The following BRAF variants were observed in gnomAD, a reference collection of about 807,000 sequenced individuals.
BRAF encodes B-Raf proto-oncogene, serine/threonine kinase.
A neutral mutation model predicts 104.6 loss-of-function variants in BRAF; 16 were observed. The observed-to-expected ratio is 0.15, with a 90% confidence interval of 0.10 to 0.23. BRAF has a LOEUF of 0.23. Ranked by LOEUF, BRAF falls within the 10% of genes least tolerant of loss-of-function variation. BRAF has a pLI of 1.00. For synonymous variants in BRAF, 310 were observed against 341.6 expected (o/e 0.91, Z 1.02); for missense variants, 541 against 937.3 (o/e 0.58, Z 5.52).
chr7:140,734,251 T>C (rs1796199238), intron 19 of BRAF: 2 of 1,211,452 alleles, frequency 1.7e-6, no homozygotes, highest in South Asian at 2.2e-5. Flanking sequence ...GAGTCCCTAG[T>C]GGACATGTGA....
At chr7:140,861,177 G>A (rs1810376926) in intron 1 of BRAF, among the ~76,000 whole-genome samples, 1 of 152,128 alleles carries the variant, frequency 6.6e-6, no homozygotes, top group Non-Finnish European at 1.5e-5. Flanking sequence ...ATGTACCTTG[G>A]TAGAAAATAA....
At chr7:140,923,957 C>A (rs1818551588) in intron 1 of BRAF, among the ~76,000 whole-genome samples, 1 of 151,998 alleles carries the variant, frequency 6.6e-6, no homozygotes, top group African/African-American at 2.4e-5. Context: ...GAAAAGGCAT[C>A]GGAAACTGCG....
chr7:140,911,336 AGATAC>A (rs2129139877), intron 1 of BRAF, among the ~76,000 whole-genome samples: 1 of 152,348 alleles, frequency 6.6e-6, no homozygotes, highest in African/African-American at 2.4e-5. Flanking sequence ...GTAGCCACAT[AGATAC>A]GGCTACTGTC....
Position 140,924,756 on chromosome 7 carries a change from A to AGGGAGGCGGAGAGCTGG in BRAF, c.-70_-54dup, listed in dbSNP as rs1306004183. On this transcript the variant is annotated 5_prime_UTR_variant, in exon 1 of 20. Coordinates refer to ENST00000644969, the MANE Select transcript of BRAF (RefSeq NM_001374258.1). This position sits in a 1 kb window ranked among gnomAD's most constrained non-coding sequence, Gnocchi z 4.2. ...GGCCGCTGTCGGGCGGGGAGGGGGAAGGGAGGCGGAGAGCTGGGGGAGGCG... is the reference window on the plus strand; with the variant it reads ...GGCCGCTGTCGGGCGGGGAGGGGGAAGGGAGGCGGAGAGCTGGGGGAGGCGGAGAGCTGGGGGAGGCG... 87 of 665,784 alleles carry AGGGAGGCGGAGAGCTGG rather than the reference A, an allele frequency of 1.3e-4. No homozygotes were observed. Among genetic ancestry groups the AGGGAGGCGGAGAGCTGG allele is most frequent in the East Asian group, 1.1e-3 (33 of 29,420 alleles). The allele number at this position is 665,784 out of a possible 1,614,324, so 41.2% of individuals were successfully genotyped here.
intron 2 of BRAF, among the ~76,000 whole-genome samples, chr7:140,846,669 T>C (rs1233015661): frequency 6.6e-6 from 1 of 151,954 alleles, no homozygotes; most frequent in Non-Finnish European, 1.5e-5. Context: ...GTTAAAATGG[T>C]AAATTTTGTT....
chr7:140,730,406 T>C (rs549499909), intron 19 of BRAF, among the ~76,000 whole-genome samples: 4 of 152,170 alleles, frequency 2.6e-5, no homozygotes, highest in Non-Finnish European at 5.9e-5. Flanking sequence ...CTTGCTCTAC[T>C]ACCCAGGCTG....
chr7:140,768,835 A>G (rs143585052), intron 14 of BRAF, among the ~76,000 whole-genome samples: 5 of 151,918 alleles, frequency 3.3e-5, no homozygotes, highest in Non-Finnish European at 7.4e-5. Context: ...GGGGGTTGCT[A>G]TAGAGTGAGG....
intron 18 of BRAF, among the ~76,000 whole-genome samples, chr7:140,738,347 G>C (rs1427168312): frequency 6.6e-6 from 1 of 152,134 alleles, no homozygotes; most frequent in Admixed American, 6.5e-5. Flanking sequence ...AAGGATGAGT[G>C]AATCTAATTC....
Position 140,725,770 on chromosome 7 carries a change from C to T in BRAF, c.*724G>A. 1 of 1,061,992 alleles carries T rather than the reference C, an allele frequency of 9.4e-7. No homozygotes were observed. The highest frequency in any genetic ancestry group is 1.1e-6 in the Non-Finnish European group (1 of 877,310). 65.8% of individuals were successfully genotyped at this position (1,061,992 alleles called of 1,614,324 possible). A position where few individuals can be genotyped will look rare whatever the true frequency, so the allele number is the denominator to read the frequency against. On this transcript the variant is annotated 3_prime_UTR_variant, in exon 20 of 20. Coordinates refer to ENST00000644969, the MANE Select transcript of BRAF (RefSeq NM_001374258.1). ...AGAAAGAAGGCAATGTGTGCCAGCACTATCTAGCCTGCTTGGTTAGACAGA... is the reference window on the plus strand; with the variant it reads ...AGAAAGAAGGCAATGTGTGCCAGCATTATCTAGCCTGCTTGGTTAGACAGA...
intron 18 of BRAF, among the ~76,000 whole-genome samples, chr7:140,736,853 A>T (rs920065210): frequency 1.3e-5 from 2 of 152,096 alleles, no homozygotes; most frequent in African/African-American, 2.4e-5. Flanking sequence ...CCAGGGCAAC[A>T]TAGTGAGAAT....
intron 3 of BRAF, among the ~76,000 whole-genome samples, chr7:140,830,271 T>C (rs1427571732): frequency 6.6e-6 from 1 of 152,214 alleles, no homozygotes; most frequent in African/African-American, 2.4e-5. Context: ...TTAGGTTGAT[T>C]TGGTGTGGAC....
At chr7:140,813,888 TACACAC>T (rs147877017) in intron 3 of BRAF, among the ~76,000 whole-genome samples, 1 of 147,376 alleles carries the variant, frequency 6.8e-6, no homozygotes, top group African/African-American at 2.5e-5. Context: ...GACGCATACA[TACACAC>T]ACACACACAC....
At chr7:140,887,370 A>G (rs1253106570) in intron 1 of BRAF, among the ~76,000 whole-genome samples, 1 of 152,226 alleles carries the variant, frequency 6.6e-6, no homozygotes, top group Non-Finnish European at 1.5e-5. Context: ...TAAAATGAAC[A>G]TTCATTCTCT....
intron 1 of BRAF, among the ~76,000 whole-genome samples, chr7:140,895,935 G>A (rs1814838625): frequency 6.6e-6 from 1 of 152,006 alleles, no homozygotes. Context: ...TTGGGTAAAC[G>A]GCCAGTAGTG....
At chr7:140,740,209 A>T (rs1347024930) in intron 17 of BRAF, 9 of 399,734 alleles carry the variant, frequency 2.3e-5, no homozygotes, top group South Asian at 6.0e-5. Flanking sequence ...CTCTTTATCC[A>T]GTCCATTTTC....
At chr7:140,854,813 C>T (rs1409871128) in intron 1 of BRAF, among the ~76,000 whole-genome samples, 5 of 151,910 alleles carry the variant, frequency 3.3e-5, no homozygotes, top group South Asian at 2.1e-4. Context: ...GGCGTGGTGG[C>T]GTGTGCCTGT....
At chr7:140,900,644 T>C (rs1344623207) in intron 1 of BRAF, among the ~76,000 whole-genome samples, 2 of 152,210 alleles carry the variant, frequency 1.3e-5, no homozygotes, top group African/African-American at 2.4e-5. Context: ...TGAGTCTTGC[T>C]CTGTTGCCCA....
chr7:140,756,084 G>C (rs1176952987), intron 14 of BRAF, among the ~76,000 whole-genome samples: 1 of 152,006 alleles, frequency 6.6e-6, no homozygotes, highest in Non-Finnish European at 1.5e-5. Context: ...AATGTAACTG[G>C]GGAGAGTGGG....
At chr7:140,920,185 G>A (rs1818067230) in intron 1 of BRAF, among the ~76,000 whole-genome samples, 1 of 152,160 alleles carries the variant, frequency 6.6e-6, no homozygotes, top group Non-Finnish European at 1.5e-5. Context: ...GACCATACTG[G>A]ATTTCATAAA....
Sources: allele counts gnomAD v4.1 joint callset (sites outside exome capture counted in the v4.1 genomes callset), GRCh38; gene constraint gnomAD v4.1.1; non-coding constraint Gnocchi (gnomAD v3.1); transcripts MANE v1.5; gene names NCBI Gene and HGNC (gene_info 2026-07-23, HGNC 2026-07-21).